Variants in STXBP4 observed in about 807,000 individuals in gnomAD.
STXBP4 encodes syntaxin binding protein 4.
A neutral mutation model predicts 76.1 loss-of-function variants in STXBP4; 55 were observed. That is an observed-to-expected ratio of 0.72 (90% CI 0.58 to 0.91). The LOEUF (loss-of-function observed/expected upper bound fraction) is 0.91, where lower values mean the gene tolerates loss of function less well. Among genes scored for constraint, STXBP4 ranks in the 40% least tolerant of loss-of-function variants. STXBP4 has a pLI of 0.00. For synonymous variants in STXBP4, 201 were observed against 220.2 expected, an observed-to-expected ratio of 0.91 and a Z score of 0.77; for missense variants, 618 against 636.9, an observed-to-expected ratio of 0.97 and a Z score of 0.32.
intron 17 of STXBP4, among the ~76,000 whole-genome samples, chr17:55,159,428 G>A (rs1205892182): frequency 6.6e-6 from 1 of 152,162 alleles, no homozygotes; most frequent in African/African-American, 2.4e-5. Flanking sequence ...GCAGAGGCAG[G>A]GAGGCAAACC....
At chr17:55,047,828 A>G (rs1169275786) in intron 12 of STXBP4, among the ~76,000 whole-genome samples, 2 of 151,956 alleles carry the variant, frequency 1.3e-5, no homozygotes, top group Non-Finnish European at 2.9e-5. Flanking sequence ...TGACTATGTG[A>G]CAAAAAAACA....
intron 12 of STXBP4, among the ~76,000 whole-genome samples, chr17:55,056,089 C>T (rs2144799459): frequency 6.6e-6 from 1 of 152,230 alleles, no homozygotes; most frequent in Non-Finnish European, 1.5e-5. Context: ...TAGTCTAGAA[C>T]AGCAATGTCC....
In STXBP4 at chr17:55,169,511, A is replaced by G. The variant is rs753748931; in HGVS notation, c.*9600A>G. ...GTGAAAGCACAGGGAGCTGTCATGC[A>G]TGAGAGTGGTAGAGGGATCTGAAAG... On this transcript the variant is annotated 3_prime_UTR_variant, in exon 18 of 18. Coordinates refer to ENST00000376352, the MANE Select transcript of STXBP4 (RefSeq NM_178509.6). 1.3e-5 allele frequency: 2 copies of G among 152,248 alleles called. No individual in the cohort carries two copies. Among genetic ancestry groups the G allele is most frequent in the Admixed American group, 6.5e-5 (1 of 15,288 alleles). The allele number at this position is 152,248 out of a possible 1,614,324, so 9.4% of individuals were successfully genotyped here.
At chr17:55,108,051 G>A (rs1567765663) in intron 16 of STXBP4, among the ~76,000 whole-genome samples, 1 of 152,210 alleles carries the variant, frequency 6.6e-6, no homozygotes, top group East Asian at 1.9e-4. Flanking sequence ...TGTGTCCCAG[G>A]GAGATGGGAG....
chr17:55,175,671 G>A (rs1348260789), downstream of STXBP4, among the ~76,000 whole-genome samples: 1 of 152,146 alleles, frequency 6.6e-6, no homozygotes, highest in East Asian at 1.9e-4. Context: ...GGGACAAAGG[G>A]GAACATAATG....
chr17:55,133,395 A>T (rs144184320), intron 16 of STXBP4, among the ~76,000 whole-genome samples: 1 of 152,106 alleles, frequency 6.6e-6, no homozygotes, highest in Non-Finnish European at 1.5e-5. Context: ...AAGTGATACA[A>T]TGATAGAGGA....
chr17:55,073,110 G>A, intron 13 of STXBP4, 34 bp downstream of exon 13: 6 of 1,601,010 alleles, frequency 3.7e-6, no homozygotes, highest in Non-Finnish European at 5.1e-6. Flanking sequence ...CAGTTACCAT[G>A]GTTTCCTTGC....
intron 13 of STXBP4, among the ~76,000 whole-genome samples, chr17:55,075,876 A>G (rs2079176047): frequency 6.6e-6 from 1 of 152,154 alleles, no homozygotes; most frequent in Admixed American, 6.6e-5. Context: ...GCTTGAAATC[A>G]GCTATAATGG....
At position 55,163,615 on chromosome 17, in the gene STXBP4, T is replaced by G. The variant is rs1353351592; in HGVS notation, c.*3704T>G. 2 of 152,162 alleles carry G rather than the reference T, an allele frequency of 1.3e-5. No individual in the cohort carries two copies. The highest frequency in any genetic ancestry group is 2.9e-5 in the Non-Finnish European group (2 of 68,040). 9.4% of individuals were successfully genotyped at this position (152,162 alleles called of 1,614,324 possible). On this transcript the variant is annotated 3_prime_UTR_variant, in exon 18 of 18. Coordinates refer to ENST00000376352, the MANE Select transcript of STXBP4 (RefSeq NM_178509.6). ...AGCACCTGCTACATGCCAGGCAAAA[T>G]GTGAAATTTGCATGCTATGAGGCTA...
At chr17:55,041,024 A>C (rs1201785408) in intron 10 of STXBP4, among the ~76,000 whole-genome samples, 3 of 152,146 alleles carry the variant, frequency 2.0e-5, no homozygotes, top group Non-Finnish European at 2.9e-5. Flanking sequence ...TGCACAATCC[A>C]AAATAGCAGT....
At chr17:54,988,751 A>G (rs1190668005) in intron 3 of STXBP4, among the ~76,000 whole-genome samples, 1 of 152,082 alleles carries the variant, frequency 6.6e-6, no homozygotes, top group African/African-American at 2.4e-5. Flanking sequence ...TCCAGCCAGG[A>G]CAGAGCAAGA....
intron 11 of STXBP4, among the ~76,000 whole-genome samples, chr17:55,045,479 A>G (rs1030659385): frequency 2.9e-4 from 44 of 151,996 alleles, no homozygotes; most frequent in Admixed American, 6.6e-4. Flanking sequence ...ATTTCCTTAT[A>G]GTTTATCATT....
At chr17:55,192,390 C>T in the STXBP4 span, among the ~76,000 whole-genome samples, 5 of 152,110 alleles carry the variant, frequency 3.3e-5, no homozygotes, top group East Asian at 1.9e-4. Context: ...ATGTGAGCAA[C>T]GTGGTGTCAA....
chr17:55,078,649 A>G lies in STXBP4; in HGVS notation c.1306-37A>G, dbSNP rs528039394. 394 of 1,317,212 alleles carry G rather than the reference A, an allele frequency of 3.0e-4. 6 individuals carry two copies. The South Asian group carries it at 4.9e-3, about 16-fold the overall frequency. 81.6% of individuals were successfully genotyped at this position (1,317,212 alleles called of 1,614,324 possible). On this transcript the variant is annotated intron_variant, in intron 14 of 17. Transcript: ENST00000376352. ...AAAGATATTTTTTAAAAACTGTCAA[A>G]CTGATATATCTCCTTCACCATCTTG...
intron 1 of STXBP4, among the ~76,000 whole-genome samples, chr17:54,970,462 C>T (rs1567864228): frequency 1.3e-5 from 2 of 152,262 alleles, no homozygotes; most frequent in East Asian, 1.9e-4. Context: ...ATTGCAGAAC[C>T]AATAAAATAT....
chr17:55,130,697 T>C (rs1221366649), intron 16 of STXBP4, among the ~76,000 whole-genome samples: 1 of 152,210 alleles, frequency 6.6e-6, no homozygotes, highest in East Asian at 1.9e-4. Flanking sequence ...CACCTGCCTC[T>C]GGTAACAACT....
Position 55,163,858 on chromosome 17 carries a change from T to C in STXBP4, c.*3947T>C, listed in dbSNP as rs1386477985. ...AAGGAAAAAAAAGGAACATGCCGTA[T>C]GAAGAGCCTCTCCAATAATAAATGC... On this transcript the variant is annotated 3_prime_UTR_variant, in exon 18 of 18. Coordinates refer to ENST00000376352, the MANE Select transcript of STXBP4 (RefSeq NM_178509.6). The C allele has an allele frequency of 1.3e-5, 2 of 152,530 alleles. No individual in the cohort carries two copies. The highest frequency in any genetic ancestry group is 4.8e-5 in the African/African-American group (2 of 41,406). The allele number at this position is 152,530 out of a possible 1,614,324, so 9.4% of individuals were successfully genotyped here. A position where few individuals can be genotyped will look rare whatever the true frequency, so the allele number is the denominator to read the frequency against.
At chr17:54,999,282 C>T (rs2077867222) in intron 4 of STXBP4, 63 bp from the exon 5 acceptor site, 1 of 1,338,386 alleles carries the variant, frequency 7.5e-7, no homozygotes, top group Non-Finnish European at 1.0e-6. Flanking sequence ...GCTTTAATTA[C>T]ATCAATTAAT....
intron 12 of STXBP4, among the ~76,000 whole-genome samples, chr17:55,059,382 C>T (rs924900008): frequency 4.6e-5 from 7 of 152,110 alleles, no homozygotes; most frequent in African/African-American, 4.8e-5. Flanking sequence ...ACAGACATTA[C>T]AGTTCAACAA....
Sources: allele counts gnomAD v4.1 joint callset (sites outside exome capture counted in the v4.1 genomes callset), GRCh38; gene constraint gnomAD v4.1.1; transcripts MANE v1.5; gene names NCBI Gene and HGNC (gene_info 2026-07-23, HGNC 2026-07-21).